The following GRID1 variants were observed in gnomAD, a reference collection of about 807,000 sequenced individuals.
GRID1 encodes glutamate ionotropic receptor delta type subunit 1, also known as glutamate receptor ionotropic, delta-1.
Under a neutral mutation model 98.0 loss-of-function variants are expected in GRID1, and 28 were observed. The ratio of observed to expected loss-of-function variants is 0.29; its 90% confidence interval spans 0.21 to 0.39. The LOEUF is 0.39. Among genes scored for constraint, GRID1 ranks in the 10% least tolerant of loss-of-function variants. GRID1 has a pLI of 1.00. For missense variants in GRID1, 1,111 were observed against 1,340.5 expected (o/e 0.83, Z 2.67); for synonymous variants, 553 against 538.5 (o/e 1.03, Z -0.37).
In GRID1 at chr10:85,602,373, C is replaced by T. The variant is rs530349913; in HGVS notation, c.2930G>A (p.Arg977Gln). The change falls in exon 16 of 16, where the codon CGG becomes CAG. Residue 977 changes from arginine (R) to glutamine (Q), a missense_variant. This residue lies in a region of GRID1 where 762 missense variants were observed against 869.1 expected (regional missense o/e 0.88). Transcript: ENST00000327946. Reference sequence around the variant, plus strand: ...GATGGGGGTCTTCACCGGGCTCTGCCGGAACAGCCCCCCGTTGGGTGACCT... The same window carrying T: ...GATGGGGGTCTTCACCGGGCTCTGCTGGAACAGCCCCCCGTTGGGTGACCT... ...KHRSPNGGLFRQSPVKTPIPM... is the reference protein window; with the variant it reads ...KHRSPNGGLFQQSPVKTPIPM... 4.4e-6 allele frequency: 7 copies of T among 1,605,160 alleles called. No individual in the cohort carries two copies. The highest frequency in any genetic ancestry group is 2.7e-5 in the African/African-American group (2 of 74,914).
intron 4 of GRID1, among the ~76,000 whole-genome samples, chr10:86,114,563 A>G (rs1844543760): frequency 6.6e-6 from 1 of 151,984 alleles, no homozygotes; most frequent in Admixed American, 6.6e-5. Context: ...CACAGCCTGC[A>G]TTCTTGACAG....
intron 12 of GRID1, among the ~76,000 whole-genome samples, chr10:85,708,454 A>G (rs908290715): frequency 4.6e-5 from 7 of 152,160 alleles, no homozygotes; most frequent in Non-Finnish European, 7.3e-5. Flanking sequence ...AATACAATAC[A>G]TGCTGATTCC....
intron 12 of GRID1, among the ~76,000 whole-genome samples, chr10:85,714,412 T>TA (rs1841615972): frequency 3.3e-5 from 5 of 152,008 alleles, no homozygotes; most frequent in South Asian, 2.1e-4. Flanking sequence ...AAGTTTTTTT[T>TA]TAAAAAAAGA....
At chr10:86,317,243 T>G (rs1847912468) in intron 2 of GRID1, among the ~76,000 whole-genome samples, 1 of 152,128 alleles carries the variant, frequency 6.6e-6, no homozygotes, top group Admixed American at 6.5e-5. Flanking sequence ...TTCTAGATAC[T>G]TGGCTTGCAG....
intron 2 of GRID1, among the ~76,000 whole-genome samples, chr10:86,316,764 T>A (rs1847905455): frequency 6.6e-6 from 1 of 152,228 alleles, no homozygotes; most frequent in South Asian, 2.1e-4. Flanking sequence ...AAACCCCAAC[T>A]GACCTGTTCA....
chr10:86,212,220 C>A (rs1433987912), intron 2 of GRID1, among the ~76,000 whole-genome samples: 1 of 152,234 alleles, frequency 6.6e-6, no homozygotes, highest in African/African-American at 2.4e-5. Flanking sequence ...CTGGCCACTG[C>A]CAGCTCAGCC....
At chr10:85,768,152 C>G (rs907215797) in intron 8 of GRID1, among the ~76,000 whole-genome samples, 6 of 152,084 alleles carry the variant, frequency 3.9e-5, no homozygotes, top group African/African-American at 1.2e-4. Context: ...CCATGACCAA[C>G]CCCTAAGGAA....
At chr10:86,322,602 G>A (rs1847986339) in intron 2 of GRID1, among the ~76,000 whole-genome samples, 1 of 151,720 alleles carries the variant, frequency 6.6e-6, no homozygotes, top group African/African-American at 2.4e-5. Context: ...GTAGATGTGG[G>A]GTTTCACCAA....
intron 12 of GRID1, among the ~76,000 whole-genome samples, chr10:85,671,369 A>G (rs936319133): frequency 2.0e-5 from 3 of 152,046 alleles, no homozygotes; most frequent in Non-Finnish European, 4.4e-5. Context: ...AATATTTCAA[A>G]CTTTTAAAAT....
chr10:85,794,737 C>A (rs1406921865), intron 8 of GRID1, among the ~76,000 whole-genome samples: 2 of 152,114 alleles, frequency 1.3e-5, no homozygotes, highest in Non-Finnish European at 2.9e-5. Context: ...GCTAATAGAC[C>A]CAAGTGATGT....
intron 2 of GRID1, among the ~76,000 whole-genome samples, chr10:86,280,190 G>A (rs1248345455): frequency 6.6e-6 from 1 of 152,124 alleles, no homozygotes; most frequent in Non-Finnish European, 1.5e-5. Context: ...GCTAGACCCT[G>A]TCTCTAAAAA....
At chr10:85,782,992 G>T (rs186427609) in intron 8 of GRID1, among the ~76,000 whole-genome samples, 2 of 152,264 alleles carry the variant, frequency 1.3e-5, no homozygotes, top group East Asian at 3.9e-4. Context: ...TGCCTAAAAA[G>T]ATGATCTCTC....
intron 5 of GRID1, among the ~76,000 whole-genome samples, chr10:85,886,915 A>G (rs903049919): frequency 6.6e-6 from 1 of 152,218 alleles, no homozygotes; most frequent in African/African-American, 2.4e-5. Context: ...CAATCACATT[A>G]TTAGTCATTT....
chr10:86,315,288 G>A (rs976162834), intron 2 of GRID1, among the ~76,000 whole-genome samples: 3 of 152,160 alleles, frequency 2.0e-5, no homozygotes, highest in African/African-American at 7.2e-5. Context: ...AATAGCCACT[G>A]CAAGGTTCTT....
At chr10:85,976,773 G>A (rs1842478716) in intron 4 of GRID1, among the ~76,000 whole-genome samples, 1 of 152,216 alleles carries the variant, frequency 6.6e-6, no homozygotes, top group Non-Finnish European at 1.5e-5. Flanking sequence ...CTCTGTGTAT[G>A]CTCTTTGCAA....
chr10:85,803,907 A>T (rs1842598933), intron 8 of GRID1, among the ~76,000 whole-genome samples: 1 of 152,014 alleles, frequency 6.6e-6, no homozygotes, highest in Non-Finnish European at 1.5e-5. Flanking sequence ...GTATTTATTT[A>T]AAAAGTTATA....
At chr10:86,145,245 A>T (rs1017173813) in intron 3 of GRID1, among the ~76,000 whole-genome samples, 1 of 150,790 alleles carries the variant, frequency 6.6e-6, no homozygotes, top group Admixed American at 6.6e-5. Context: ...TTTTTGAGAC[A>T]GAGTCTCGCT....
chr10:86,308,826 C>G (rs1253485097), intron 2 of GRID1, among the ~76,000 whole-genome samples: 2 of 152,118 alleles, frequency 1.3e-5, no homozygotes, highest in African/African-American at 4.8e-5. Flanking sequence ...ACGAGAGGGC[C>G]TACCTCACTT....
At chr10:85,743,109 C>G (rs575611648) in intron 8 of GRID1, among the ~76,000 whole-genome samples, 6 of 127,810 alleles carry the variant, frequency 4.7e-5, no homozygotes, top group African/African-American at 8.1e-5. Flanking sequence ...TATGCAGCCC[C>G]CCCCCCCACC....
Sources: allele counts gnomAD v4.1 joint callset (sites outside exome capture counted in the v4.1 genomes callset), GRCh38; gene constraint gnomAD v4.1.1; regional missense constraint gnomAD v4.1.1; transcripts MANE v1.5; gene names NCBI Gene and HGNC (gene_info 2026-07-23, HGNC 2026-07-21).